The following SND1 variants were observed in gnomAD, a reference collection of about 807,000 sequenced individuals.
The protein encoded by SND1 is staphylococcal nuclease and tudor domain containing 1, also known as staphylococcal nuclease domain-containing protein 1.
A neutral mutation model predicts 121.7 loss-of-function variants in SND1; 38 were observed. The ratio of observed to expected loss-of-function variants is 0.31; its 90% CI spans 0.24 to 0.41. The LOEUF (loss-of-function observed/expected upper bound fraction) is 0.41. SND1 is among the 10% of genes least tolerant of loss of function. SND1 has a pLI of 1.00. For synonymous variants in SND1, 401 were observed against 447.4 expected (o/e 0.90, Z 1.31); for missense variants, 868 against 1,184.6 (o/e 0.73, Z 3.92).
At chr7:127,654,612 A>G (rs921533031) in intron 1 of SND1, among the ~76,000 whole-genome samples, 6 of 152,240 alleles carry the variant, frequency 3.9e-5, no homozygotes, top group South Asian at 2.1e-4. Context: ...AGCTGCTATT[A>G]TGGTAAATGA....
At chr7:127,933,775 C>A (rs1378070222) in intron 15 of SND1, among the ~76,000 whole-genome samples, 1 of 152,138 alleles carries the variant, frequency 6.6e-6, no homozygotes, top group East Asian at 1.9e-4. Flanking sequence ...GTGCACATAG[C>A]TATGGCTCTA....
At chr7:127,860,416 C>T (rs1264848722) in intron 12 of SND1, among the ~76,000 whole-genome samples, 2 of 152,204 alleles carry the variant, frequency 1.3e-5, no homozygotes, top group Non-Finnish European at 2.9e-5. Flanking sequence ...CAAAAGTCTG[C>T]TTAAGGTGCT....
chr7:128,067,788 G>A (rs1168226023), intron 16 of SND1, among the ~76,000 whole-genome samples: 1 of 152,136 alleles, frequency 6.6e-6, no homozygotes, highest in Admixed American at 6.5e-5. Flanking sequence ...AGTAAAAAGG[G>A]AAAGGCTTGT....
At chr7:128,010,802 G>A (rs1028464834) in intron 16 of SND1, among the ~76,000 whole-genome samples, 3 of 152,124 alleles carry the variant, frequency 2.0e-5, no homozygotes, top group Admixed American at 2.0e-4. Context: ...AGGGCTGTTT[G>A]CCAGCCTTCC....
At chr7:127,727,280 G>A (rs999161571) in intron 10 of SND1, among the ~76,000 whole-genome samples, 1 of 152,210 alleles carries the variant, frequency 6.6e-6, no homozygotes, top group Admixed American at 6.5e-5. Flanking sequence ...AGCTGAGATA[G>A]GTGCATTATT....
intron 20 of SND1, chr7:128,086,694 C>G (rs1793692989): frequency 8.6e-6 from 5 of 582,402 alleles, no homozygotes; most frequent in Non-Finnish European, 1.2e-5. Context: ...TCATGGGAAC[C>G]ACTAGGTGTG....
intron 10 of SND1, among the ~76,000 whole-genome samples, chr7:127,774,776 G>T (rs879464541): frequency 6.6e-6 from 1 of 152,044 alleles, no homozygotes; most frequent in Admixed American, 6.5e-5. Flanking sequence ...GCAGGGTTTT[G>T]CCATGTTGGC....
intron 9 of SND1, among the ~76,000 whole-genome samples, chr7:127,709,951 A>G (rs1019758232): frequency 1.3e-5 from 2 of 152,138 alleles, no homozygotes; most frequent in Non-Finnish European, 2.9e-5. Flanking sequence ...ATAAATACCC[A>G]TAGTACATGA....
At chr7:127,998,164 A>G in intron 16 of SND1, 4 of 346,944 alleles carry the variant, frequency 1.2e-5, no homozygotes, top group South Asian at 9.3e-5. Flanking sequence ...GAATGGGAAG[A>G]AGGCCTGTTA....
At chr7:127,981,045 T>C (rs1255147055) in intron 15 of SND1, among the ~76,000 whole-genome samples, 2 of 152,206 alleles carry the variant, frequency 1.3e-5, no homozygotes, top group East Asian at 3.8e-4. Flanking sequence ...GTTGAGGTTC[T>C]CATAGAAACC....
intron 13 of SND1, among the ~76,000 whole-genome samples, chr7:127,903,997 G>T (rs1191795459): frequency 6.6e-6 from 1 of 152,200 alleles, no homozygotes; most frequent in Non-Finnish European, 1.5e-5. Context: ...ACAGTGTACA[G>T]ACCAAGTAAT....
chr7:127,798,741 C>T lies in SND1; in HGVS notation c.1153-8743C>T, dbSNP rs118175233. ...TTTTTGTGGCCTGGAGACCTCCTTGCTACTTATTTAAAAATTCACATGGTC... is the reference window on the plus strand; with the variant it reads ...TTTTTGTGGCCTGGAGACCTCCTTGTTACTTATTTAAAAATTCACATGGTC... On this transcript the variant is annotated intron_variant, in intron 10 of 23. Transcript: ENST00000354725. 3.7e-4 allele frequency among the ~76,000 whole-genome samples: 56 copies of T among 152,214 alleles called. 1 individual carries two copies. In the East Asian group the frequency reaches 9.4e-3, roughly 26 times the overall value.
chr7:128,050,404 C>T (rs1793025910), intron 16 of SND1, among the ~76,000 whole-genome samples: 1 of 152,236 alleles, frequency 6.6e-6, no homozygotes. Flanking sequence ...AACTTATCCT[C>T]ACAGCATTGA....
At chr7:128,053,849 C>G (rs975071094) in intron 16 of SND1, among the ~76,000 whole-genome samples, 1 of 152,220 alleles carries the variant, frequency 6.6e-6, no homozygotes, top group Non-Finnish European at 1.5e-5. Context: ...CCTCCACTCT[C>G]CACGCTGTCC....
At chr7:127,710,709 T>C (rs1299823524) in intron 9 of SND1, among the ~76,000 whole-genome samples, 1 of 152,230 alleles carries the variant, frequency 6.6e-6, no homozygotes, top group African/African-American at 2.4e-5. Context: ...AATTCATCCC[T>C]GAATAAAACA....
intron 11 of SND1, among the ~76,000 whole-genome samples, chr7:127,836,051 T>C (rs941990311): frequency 6.6e-6 from 1 of 152,166 alleles, no homozygotes; most frequent in African/African-American, 2.4e-5. Flanking sequence ...AAGTGAAGGT[T>C]TATCAGGGAG....
intron 10 of SND1, among the ~76,000 whole-genome samples, chr7:127,754,887 C>G (rs1797166515): frequency 6.6e-6 from 1 of 152,186 alleles, no homozygotes; most frequent in Non-Finnish European, 1.5e-5. Context: ...GCATTAAAAG[C>G]CTAACAGAGT....
intron 16 of SND1, among the ~76,000 whole-genome samples, chr7:128,044,206 C>T (rs773405771): frequency 3.1e-4 from 47 of 152,326 alleles, no homozygotes; most frequent in Admixed American, 2.5e-3. Flanking sequence ...AGTGTCCTGT[C>T]GCCACACTTG....
At chr7:127,989,709 C>G (rs188025924) in intron 15 of SND1, among the ~76,000 whole-genome samples, 4 of 152,350 alleles carry the variant, frequency 2.6e-5, no homozygotes, top group East Asian at 1.9e-4. Context: ...TCCATGCATC[C>G]TCCCCCAGAT....
Sources: allele counts gnomAD v4.1 joint callset (sites outside exome capture counted in the v4.1 genomes callset), GRCh38; gene constraint gnomAD v4.1.1; transcripts MANE v1.5; gene names NCBI Gene and HGNC (gene_info 2026-07-23, HGNC 2026-07-21).